The following FYB1 variants were observed in gnomAD, a reference collection of about 807,000 sequenced individuals.
The protein encoded by FYB1 is FYN binding protein 1, also known as FYN-binding protein 1.
A neutral mutation model predicts 94.1 loss-of-function variants in FYB1; 41 were observed. The observed-to-expected ratio is 0.44, with a 90% CI of 0.34 to 0.57. The LOEUF (loss-of-function observed/expected upper bound fraction) is 0.57. Ranked by LOEUF, FYB1 falls within the 20% of genes least tolerant of loss-of-function variation. FYB1 has a pLI of 0.02. For synonymous variants in FYB1, 367 were observed against 353.2 expected (o/e 1.04, Z -0.44); for missense variants, 1,050 against 976.8 (o/e 1.07, Z -1.00).
intron 2 of FYB1, among the ~76,000 whole-genome samples, chr5:39,159,747 G>A (rs937864233): frequency 6.6e-6 from 1 of 152,090 alleles, no homozygotes; most frequent in Non-Finnish European, 1.5e-5. Context: ...TCTAACAATG[G>A]CATTTTAGTT....
chr5:39,243,614 G>C (rs1751321476), intron 1 of FYB1, among the ~76,000 whole-genome samples: 1 of 152,086 alleles, frequency 6.6e-6, no homozygotes, highest in Admixed American at 6.5e-5. Flanking sequence ...GGATTGTCTT[G>C]GCAATGCAGG....
intron 3 of FYB1, among the ~76,000 whole-genome samples, chr5:39,152,838 T>C (rs1743365336): frequency 6.6e-6 from 1 of 152,220 alleles, no homozygotes; most frequent in Non-Finnish European, 1.5e-5. Flanking sequence ...TCTGTATTAT[T>C]GTTTAATTAA....
chr5:39,110,860 A>T, intron 16 of FYB1: 1 of 308,524 alleles, frequency 3.2e-6, no homozygotes, highest in East Asian at 1.1e-4. Flanking sequence ...CCCCTTTCAG[A>T]TCCCAGCCAG....
At chr5:39,193,197 G>A (rs1326502277) in intron 2 of FYB1, among the ~76,000 whole-genome samples, 1 of 152,180 alleles carries the variant, frequency 6.6e-6, no homozygotes, top group Non-Finnish European at 1.5e-5. Flanking sequence ...CATGGAACAA[G>A]GCTTGGGGTG....
In FYB1 at chr5:39,107,027, G is replaced by T. The variant is rs2150247283; in HGVS notation, c.*416C>A. The T allele has an allele frequency of 6.6e-6, 1 of 152,624 alleles. No individual in the cohort carries two copies. Among genetic ancestry groups the T allele is most frequent in the East Asian group, 1.9e-4 (1 of 5,218 alleles). The allele number at this position is 152,624 out of a possible 1,614,324, so 9.5% of individuals were successfully genotyped here. ...ATAAACAATAATTTTTCTTCTTGTGGAATGTTTTTAAATTTCCTTTCTTAT... is the reference window on the plus strand; with the variant it reads ...ATAAACAATAATTTTTCTTCTTGTGTAATGTTTTTAAATTTCCTTTCTTAT... On this transcript the variant is annotated 3_prime_UTR_variant, in exon 19 of 19. Coordinates refer to ENST00000512982, the MANE Select transcript of FYB1 (RefSeq NM_001465.6).
chr5:39,194,426 T>C (rs909249746), intron 2 of FYB1, among the ~76,000 whole-genome samples: 1 of 152,088 alleles, frequency 6.6e-6, no homozygotes, highest in African/African-American at 2.4e-5. Context: ...TTCGGGAGGC[T>C]GAAGTGGAGG....
intron 17 of FYB1, 149 bp from the exon 18 acceptor site, chr5:39,108,411 G>T (rs1457380163): frequency 7.5e-6 from 5 of 670,406 alleles, no homozygotes; most frequent in South Asian, 2.6e-5. Flanking sequence ...AAATAAATTT[G>T]ATATTCATTA....
intron 3 of FYB1, among the ~76,000 whole-genome samples, chr5:39,142,294 C>T (rs918781381): frequency 6.6e-6 from 1 of 152,116 alleles, no homozygotes. Flanking sequence ...CCTCTCCACT[C>T]CCCTATAATC....
intron 1 of FYB1, among the ~76,000 whole-genome samples, chr5:39,235,056 T>G (rs754257410): frequency 4.3e-3 from 21 of 4,858 alleles, no homozygotes; most frequent in African/African-American, 0.01. Context: ...TAAAGAATAA[T>G]AATAATAATA....
At chr5:39,190,309 T>C (rs1747240596) in intron 2 of FYB1, among the ~76,000 whole-genome samples, 1 of 152,006 alleles carries the variant, frequency 6.6e-6, no homozygotes, top group African/African-American at 2.4e-5. Context: ...GTTTAGAAGA[T>C]GAGAAAGAAG....
At chr5:39,114,709 C>T (rs1739368644) in intron 16 of FYB1, among the ~76,000 whole-genome samples, 1 of 152,186 alleles carries the variant, frequency 6.6e-6, no homozygotes, top group African/African-American at 2.4e-5. Context: ...TTAAACTATT[C>T]AGCAGACTTC....
At chr5:39,199,384 T>C (rs1561251488) in intron 2 of FYB1, among the ~76,000 whole-genome samples, 2 of 152,238 alleles carry the variant, frequency 1.3e-5, no homozygotes, top group East Asian at 3.9e-4. Flanking sequence ...TTAAAAAACT[T>C]TGTGTTCAGA....
intron 2 of FYB1, among the ~76,000 whole-genome samples, chr5:39,201,566 T>A (rs1296705740): frequency 1.3e-5 from 2 of 152,110 alleles, no homozygotes; most frequent in Non-Finnish European, 1.5e-5. Flanking sequence ...CAAAACCACG[T>A]ATCAATGAAG....
At chr5:39,206,614 C>T (rs1245256001) in intron 1 of FYB1, among the ~76,000 whole-genome samples, 1 of 152,102 alleles carries the variant, frequency 6.6e-6, no homozygotes, top group Non-Finnish European at 1.5e-5. Flanking sequence ...ACGCTGATGT[C>T]CTCATTTACC....
At chr5:39,228,773 T>G (rs924797212) in intron 1 of FYB1, among the ~76,000 whole-genome samples, 3 of 152,282 alleles carry the variant, frequency 2.0e-5, no homozygotes. Context: ...TCCTTTTTAT[T>G]TTCTTACTCT....
intron 2 of FYB1, among the ~76,000 whole-genome samples, chr5:39,195,395 TG>T (rs1170388561): frequency 2.0e-5 from 3 of 151,946 alleles, no homozygotes; most frequent in Non-Finnish European, 4.4e-5. Context: ...AAAAGGAGAA[TG>T]GGGGGAAAAA....
At chr5:39,170,522 G>C (rs758130357) in intron 2 of FYB1, among the ~76,000 whole-genome samples, 9 of 152,106 alleles carry the variant, frequency 5.9e-5, no homozygotes, top group Non-Finnish European at 1.0e-4. Context: ...TGCTACAGCT[G>C]AAACTCATTC....
At position 39,202,985 on chromosome 5, in the gene FYB1, A is replaced by G. The variant is rs751349193; in HGVS notation, c.-25T>C. On this transcript the variant is annotated splice_region_variant and 5_prime_UTR_variant, in exon 2 of 19. It removes an upstream start codon present in the reference 5' UTR. Transcript: ENST00000512982. Reference sequence around the variant, plus strand: ...TGAGGGACTTTACATCTGCCTTTCCATCCTACAAACATAGGGAACAAAAAA... The same window carrying G: ...TGAGGGACTTTACATCTGCCTTTCCGTCCTACAAACATAGGGAACAAAAAA... 2.4e-5 allele frequency: 39 copies of G among 1,612,584 alleles called. No homozygotes were observed. The South Asian group carries it at 3.1e-4, about 13-fold the overall frequency.
At chr5:39,272,283 C>A (rs1017551099) in intron 1 of FYB1, among the ~76,000 whole-genome samples, 5 of 152,126 alleles carry the variant, frequency 3.3e-5, no homozygotes, top group Non-Finnish European at 7.4e-5. Context: ...GATCACCAGG[C>A]CAGCCTTGTG....
Sources: gnomAD v4.1 joint callset for allele counts (sites outside exome capture counted in the v4.1 genomes callset) on GRCh38, gnomAD v4.1.1 for gene constraint, MANE v1.5 for transcripts, NCBI Gene and HGNC (gene_info 2026-07-23, HGNC 2026-07-21) for gene names.